The following GLIS3 variants were observed in gnomAD, a reference collection of about 807,000 sequenced individuals.
GLIS3 encodes zinc finger protein GLIS3.
Under a neutral mutation model 78.6 loss-of-function variants are expected in GLIS3, and 53 were observed. The observed-to-expected ratio is 0.67, with a 90% CI of 0.54 to 0.85. The LOEUF (loss-of-function observed/expected upper bound fraction) is 0.85, where lower values mean the gene tolerates loss of function less well. Among genes scored for constraint, GLIS3 ranks in the 40% least tolerant of loss-of-function variants. GLIS3 has a pLI of 0.00. For synonymous variants in GLIS3, 684 were observed against 509.9 expected (o/e 1.34, Z -4.60); for missense variants, 1,703 against 1,231.1 (o/e 1.38, Z -5.74).
the GLIS3 span, among the ~76,000 whole-genome samples, chr9:4,441,101 C>T: frequency 4.6e-5 from 7 of 152,120 alleles, no homozygotes; most frequent in Admixed American, 6.5e-5. Flanking sequence ...TCTGCCAACA[C>T]GGATAATTTT....
chr9:4,136,578 G>A (rs1833424169), intron 2 of GLIS3, among the ~76,000 whole-genome samples: 1 of 152,142 alleles, frequency 6.6e-6, no homozygotes, highest in South Asian at 2.1e-4. Flanking sequence ...TTTTTCCCAA[G>A]GGACTCATCT....
At position 4,031,931 on chromosome 9, in the gene GLIS3, T is replaced by G. The variant is rs544694676; in HGVS notation, c.1710+85837A>C. 3.9e-5 allele frequency among the ~76,000 whole-genome samples: 6 copies of G among 152,312 alleles called. No individual in the cohort carries two copies. The South Asian group carries it at 1.2e-3, about 32-fold the overall frequency. On this transcript the variant is annotated intron_variant, in intron 4 of 10. Transcript: ENST00000381971. ...TATATACAGGGCAGGGAGCCTAGAC[T>G]CTGGCTAGCCAGGAAAGACCTAGCA...
chr9:3,874,974 G>A (rs1821220109), intron 8 of GLIS3, among the ~76,000 whole-genome samples: 1 of 152,144 alleles, frequency 6.6e-6, no homozygotes, highest in Non-Finnish European at 1.5e-5. Flanking sequence ...AATGAAGAGA[G>A]GCAGCTGACA....
chr9:4,443,372 A>G, the GLIS3 span, among the ~76,000 whole-genome samples: 2 of 152,218 alleles, frequency 1.3e-5, no homozygotes, highest in East Asian at 1.9e-4. Context: ...TACTTTTCCA[A>G]TTTGACCAGA....
intron 2 of GLIS3, among the ~76,000 whole-genome samples, chr9:4,263,198 G>C (rs1487312780): frequency 1.3e-5 from 2 of 152,174 alleles, no homozygotes; most frequent in African/African-American, 2.4e-5. Flanking sequence ...CTTTGGGTAA[G>C]TGATAAACTT....
chr9:4,393,102 T>C, the GLIS3 span, among the ~76,000 whole-genome samples: 1 of 152,194 alleles, frequency 6.6e-6, no homozygotes, highest in Non-Finnish European at 1.5e-5. Context: ...TTTTATATTA[T>C]AAATTAATTT....
Position 3,991,771 on chromosome 9 carries a change from A to G in GLIS3, c.1711-54582T>C, listed in dbSNP as rs373042829. Among the ~76,000 whole-genome samples, 293 of 144,362 alleles carry G rather than the reference A, an allele frequency of 2.0e-3. 2 individuals are homozygous for G. The highest frequency in any genetic ancestry group is 7.2e-3 in the Middle Eastern group (2 of 276). 94.7% of individuals were successfully genotyped at this position (144,362 alleles called of 152,430 possible). On this transcript the variant is annotated intron_variant, in intron 4 of 10. Transcript: ENST00000381971. ...AGTGGTGGGATCTCGGCTCACTGCA[A>G]GCTCCGCCTCCCGGCTTCATGCCAT...
At chr9:4,335,406 G>A (rs141888783) in intron 2 of GLIS3, among the ~76,000 whole-genome samples, 7 of 152,294 alleles carry the variant, frequency 4.6e-5, no homozygotes, top group Non-Finnish European at 7.4e-5. Context: ...TCAGTTGCTC[G>A]TAAACTTGCC....
chr9:4,339,416 G>T (rs1351474162), intron 2 of GLIS3, among the ~76,000 whole-genome samples: 1 of 152,116 alleles, frequency 6.6e-6, no homozygotes, highest in Non-Finnish European at 1.5e-5. Flanking sequence ...TTAACTGAGA[G>T]TTTCGTCTTT....
intron 2 of GLIS3, among the ~76,000 whole-genome samples, chr9:4,327,624 G>T (rs1401462600): frequency 6.6e-6 from 1 of 152,202 alleles, no homozygotes; most frequent in African/African-American, 2.4e-5. Flanking sequence ...AAGCTGGCCG[G>T]AAAGGACCTT....
chr9:4,360,775 A>G, the GLIS3 span, among the ~76,000 whole-genome samples: 2 of 152,188 alleles, frequency 1.3e-5, no homozygotes, highest in Non-Finnish European at 2.9e-5. Context: ...GTGTTGAGGC[A>G]CAGACACCTT....
At chr9:4,428,477 C>A in the GLIS3 span, among the ~76,000 whole-genome samples, 1 of 103,346 alleles carries the variant, frequency 9.7e-6, no homozygotes. Context: ...GAGTGAGACT[C>A]TGTCTCAAAA....
intron 2 of GLIS3, among the ~76,000 whole-genome samples, chr9:4,316,758 C>A (rs888987539): frequency 9.2e-5 from 14 of 152,274 alleles, no homozygotes; most frequent in African/African-American, 2.4e-4. Flanking sequence ...CAACCCTGAA[C>A]TGGAATAAGC....
At chr9:4,068,894 G>A (rs917736341) in intron 4 of GLIS3, among the ~76,000 whole-genome samples, 1 of 151,648 alleles carries the variant, frequency 6.6e-6, no homozygotes, top group African/African-American at 2.4e-5. Context: ...ATGCACACTT[G>A]GGCAATAAAT....
At chr9:4,183,942 T>G (rs1817553802) in intron 2 of GLIS3, among the ~76,000 whole-genome samples, 2 of 152,182 alleles carry the variant, frequency 1.3e-5, no homozygotes, top group South Asian at 2.1e-4. Context: ...TTAAACTAAG[T>G]AGCTAAATTA....
At chr9:4,015,038 A>G (rs967134512) in intron 4 of GLIS3, among the ~76,000 whole-genome samples, 7 of 152,236 alleles carry the variant, frequency 4.6e-5, no homozygotes, top group African/African-American at 1.7e-4. Flanking sequence ...TTACACAACC[A>G]AATATTTAAC....
chr9:3,909,534 T>C (rs1823987586), intron 6 of GLIS3, among the ~76,000 whole-genome samples: 1 of 152,172 alleles, frequency 6.6e-6, no homozygotes, highest in African/African-American at 2.4e-5. Flanking sequence ...TGAACATCTG[T>C]ATAGGGGATA....
the GLIS3 span, among the ~76,000 whole-genome samples, chr9:4,379,031 C>T: frequency 5.9e-5 from 9 of 152,236 alleles, no homozygotes; most frequent in Admixed American, 6.5e-5. Context: ...ATATAAGCTC[C>T]GTGCTGTTTT....
At position 4,273,607 on chromosome 9, in the gene GLIS3, AT is replaced by A. The variant is rs1587256722; in HGVS notation, c.388+12430del. Among the ~76,000 whole-genome samples the A allele has an allele frequency of 3.3e-5, 3 of 91,792 alleles. No individual in the cohort carries two copies. The East Asian group carries it at 1.5e-3, about 46-fold the overall frequency. 60.2% of individuals were successfully genotyped at this position (91,792 alleles called of 152,430 possible). A position where few individuals can be genotyped will look rare whatever the true frequency, so the allele number is the denominator to read the frequency against. ...GACCTTATCATAAATAAATAAATAA[AT>A]AAATAAATAAATAAATAAATAAATA... On this transcript the variant is annotated intron_variant, in intron 2 of 10. Transcript: ENST00000381971.
Sources: allele counts gnomAD v4.1 joint callset (sites outside exome capture counted in the v4.1 genomes callset), GRCh38; gene constraint gnomAD v4.1.1; transcripts MANE v1.5; gene names NCBI Gene and HGNC (gene_info 2026-07-23, HGNC 2026-07-21).